FAM228A: variants seen among roughly 807,000 people sequenced by gnomAD.
FAM228A encodes the protein protein FAM228A.
A neutral mutation model predicts 18.6 loss-of-function variants in FAM228A; 13 were observed. The observed-to-expected ratio is 0.70, with a 90% confidence interval of 0.45 to 1.11. FAM228A has a LOEUF of 1.11. Among genes scored for constraint, FAM228A ranks in the 50% least tolerant of loss-of-function variants. The pLI, the probability that FAM228A is intolerant of heterozygous loss-of-function variation, is 0.00. For missense variants in FAM228A, 240 were observed against 242.2 expected, an observed-to-expected ratio of 0.99 and a Z score of 0.06; for synonymous variants, 77 against 86.6, an observed-to-expected ratio of 0.89 and a Z score of 0.61.
At chr2:24,182,353 G>A (rs917223126) in intron 3 of FAM228A, among the ~76,000 whole-genome samples, 21 of 152,138 alleles carry the variant, frequency 1.4e-4, no homozygotes, top group African/African-American at 5.1e-4. Context: ...GATTCTTCTG[G>A]TTCTGGGTAG....
At chr2:24,178,286 A>G (rs952950518) in intron 3 of FAM228A, among the ~76,000 whole-genome samples, 19 of 152,234 alleles carry the variant, frequency 1.2e-4, no homozygotes, top group African/African-American at 4.6e-4. Context: ...AGGGGCATTT[A>G]ATTTCAATGA....
intron 3 of FAM228A, 46 bp from the exon 4 acceptor site, chr2:24,183,239 A>T: frequency 7.5e-7 from 1 of 1,341,452 alleles, no homozygotes; most frequent in Non-Finnish European, 1.1e-6. Context: ...TAAAAGCTTA[A>T]TACAGACTGC....
intron 3 of FAM228A, among the ~76,000 whole-genome samples, chr2:24,181,866 A>G (rs1238835141): frequency 1.3e-5 from 2 of 152,258 alleles, no homozygotes. Context: ...GTTTTAGAAT[A>G]GGAACTCAAA....
intron 5 of FAM228A, among the ~76,000 whole-genome samples, chr2:24,188,014 T>A (rs1034866255): frequency 6.6e-6 from 1 of 150,682 alleles, no homozygotes; most frequent in Non-Finnish European, 1.5e-5. Flanking sequence ...TTCAGTTATT[T>A]TCTCTTTGTT....
intron 2 of FAM228A, chr2:24,175,915 C>T: frequency 9.4e-7 from 1 of 1,063,534 alleles, no homozygotes; most frequent in Non-Finnish European, 1.1e-6. Flanking sequence ...TATTTTGTGT[C>T]ATCCTATGAT....
At position 24,188,707 on chromosome 2, in the gene FAM228A, C is replaced by G. The variant is rs903660630; in HGVS notation, c.402-1705C>G. 6.3e-6 allele frequency: 6 copies of G among 953,828 alleles called. No homozygotes were observed. The African/African-American group carries it at 1.1e-4, about 17-fold the overall frequency. 59.1% of individuals were successfully genotyped at this position (953,828 alleles called of 1,614,324 possible). On this transcript the variant is annotated intron_variant, in intron 5 of 5. Coordinates refer to ENST00000295150, the MANE Select transcript of FAM228A (RefSeq NM_001040710.3). ...GAAGGTAAGAGTTGGAGATTGTCAA[C>G]TCATTCCTGAAGGCTCTCGCCTCTC...
At chr2:24,189,512 C>G (rs1382281889) in intron 5 of FAM228A, among the ~76,000 whole-genome samples, 1 of 152,086 alleles carries the variant, frequency 6.6e-6, no homozygotes, top group Non-Finnish European at 1.5e-5. Flanking sequence ...GCCCTTTCCT[C>G]CATCAGCAAG....
intron 5 of FAM228A, chr2:24,188,706 A>G (rs1242667344): frequency 1.0e-6 from 1 of 955,930 alleles, no homozygotes. Flanking sequence ...GAGATTGTCA[A>G]CTCATTCCTG....
At chr2:24,175,423 G>A in intron 1 of FAM228A, 44 bp from the exon 2 acceptor site, 2 of 1,428,360 alleles carry the variant, frequency 1.4e-6, no homozygotes, top group Non-Finnish European at 2.0e-6. Context: ...GGCTCTCAAC[G>A]GTAACCGTCT....
intron 5 of FAM228A, among the ~76,000 whole-genome samples, chr2:24,185,338 T>A (rs1248302179): frequency 1.3e-5 from 2 of 152,224 alleles, no homozygotes; most frequent in African/African-American, 4.8e-5. Context: ...CCAGGTTCTC[T>A]ATCCTAGCCT....
At chr2:24,188,222 T>C (rs1467288068) in intron 5 of FAM228A, among the ~76,000 whole-genome samples, 2 of 152,236 alleles carry the variant, frequency 1.3e-5, no homozygotes, top group African/African-American at 4.8e-5. Context: ...ATTATTATTT[T>C]CAGTTATAGA....
At chr2:24,187,279 CTTAACT>C (rs1667971221) in intron 5 of FAM228A, among the ~76,000 whole-genome samples, 1 of 152,084 alleles carries the variant, frequency 6.6e-6, no homozygotes, top group African/African-American at 2.4e-5. Flanking sequence ...CTTTTTTCAA[CTTAACT>C]TTATTTTTCG....
At chr2:24,180,124 C>T (rs1163139977) in intron 3 of FAM228A, among the ~76,000 whole-genome samples, 2 of 151,740 alleles carry the variant, frequency 1.3e-5, no homozygotes, top group African/African-American at 4.8e-5. Flanking sequence ...TAGGTGTGCA[C>T]TACTGGATCT....
rs944449711 is a variant in FAM228A at position 24,175,241 on chromosome 2, G to C, written c.-15+67G>C. ...CCAGGGAGGGCTGTGGCAGGGCCAG[G>C]GGGGCGCGCCCCGGAGGAAAGGCCC... On this transcript the variant is annotated intron_variant, in intron 1 of 5. Coordinates refer to ENST00000295150, the MANE Select transcript of FAM228A (RefSeq NM_001040710.3). 1.0e-4 allele frequency: 51 copies of C among 501,212 alleles called. No homozygotes were observed. In the East Asian group the frequency reaches 1.7e-3, roughly 17 times the overall value. The allele number at this position is 501,212 out of a possible 1,614,324, so 31.0% of individuals were successfully genotyped here.
chr2:24,183,401 T>C, intron 4 of FAM228A, 29 bp downstream of exon 4: 1 of 1,610,636 alleles, frequency 6.2e-7, no homozygotes, highest in Non-Finnish European at 8.5e-7. Context: ...GCCTCATTTT[T>C]TTGAGACTGC....
chr2:24,181,700 A>G lies in FAM228A; in HGVS notation c.163-1585A>G, dbSNP rs78482537. Among the ~76,000 whole-genome samples the G allele has an allele frequency of 5.5e-4, 84 of 152,252 alleles. 1 individual carries two copies. The highest frequency in any genetic ancestry group is 1.8e-3 in the African/African-American group (74 of 41,570). On this transcript the variant is annotated intron_variant, in intron 3 of 5. Transcript: ENST00000295150. ...TGTGCCCGGCCTACGATCCTTTTAT[A>G]TGAAGAAAAAGAAACCAAATTATGG...
chr2:24,180,217 G>A (rs1212636794), intron 3 of FAM228A, among the ~76,000 whole-genome samples: 1 of 151,692 alleles, frequency 6.6e-6, no homozygotes, highest in Non-Finnish European at 1.5e-5. Flanking sequence ...CACTTTGGGA[G>A]GCTGAGGTGG....
chr2:24,190,304 C>T, intron 5 of FAM228A, 108 bp from the exon 6 acceptor site: 2 of 1,342,870 alleles, frequency 1.5e-6, no homozygotes, highest in Non-Finnish European at 2.0e-6. Context: ...TCAGTCGTTC[C>T]TTCTCAAAAG....
At chr2:24,175,835 C>G (rs1048753789) in intron 2 of FAM228A, 1 of 1,149,140 alleles carries the variant, frequency 8.7e-7, no homozygotes, top group African/African-American at 1.6e-5. Flanking sequence ...CCGGCAGAAG[C>G]CAGGTCTGGG....
Sources: gnomAD v4.1 joint callset for allele counts (sites outside exome capture counted in the v4.1 genomes callset) on GRCh38, gnomAD v4.1.1 for gene constraint, MANE v1.5 for transcripts, NCBI Gene and HGNC (gene_info 2026-07-23, HGNC 2026-07-21) for gene names.